Variants in TRPM3 observed in about 807,000 individuals in gnomAD.
TRPM3 encodes transient receptor potential cation channel subfamily M member 3.
Under a neutral mutation model 181.2 loss-of-function variants are expected in TRPM3, and 77 were observed. The observed-to-expected ratio is 0.42, with a 90% CI of 0.35 to 0.51. The LOEUF (loss-of-function observed/expected upper bound fraction) is 0.51. TRPM3 is among the 20% of genes least tolerant of loss of function. The probability of loss-of-function intolerance (pLI) is 0.01; values close to 1 mark genes in which losing one functional copy is unlikely to be tolerated. For missense variants in TRPM3, 1,759 were observed against 2,196.7 expected, an observed-to-expected ratio of 0.80 and a Z score of 3.98; for synonymous variants, 745 against 796.4, an observed-to-expected ratio of 0.94 and a Z score of 1.09.
At position 71,252,114 on chromosome 9, in the gene TRPM3, C is replaced by T. The variant is rs572858562; in HGVS notation, c.183+194539G>A. Among the ~76,000 whole-genome samples the T allele has an allele frequency of 2.0e-4, 31 of 152,248 alleles. No homozygotes were observed. In the South Asian group the frequency reaches 6.4e-3, roughly 32 times the overall value. The stretch of plus-strand genomic sequence containing the variant: ...ATGGAGACTTAGATTGCATCCAAAT[C>T]CTGGCTATTGTGAATAGTGCTGCAA... On this transcript the variant is annotated intron_variant, in intron 1 of 24. Coordinates refer to the TRPM3 transcript ENST00000357533.
chr9:70,978,784 C>T (rs2133996310), intron 1 of TRPM3, among the ~76,000 whole-genome samples: 1 of 152,316 alleles, frequency 6.6e-6, no homozygotes, highest in East Asian at 1.9e-4. Context: ...AAGTGGGTCT[C>T]ATGGCTACAC....
At chr9:70,900,769 T>C (rs1589646351) in intron 1 of TRPM3, among the ~76,000 whole-genome samples, 1 of 152,160 alleles carries the variant, frequency 6.6e-6, no homozygotes, top group African/African-American at 2.4e-5. Context: ...GCATAACCTT[T>C]GGTTTCAGGC....
intron 5 of TRPM3, among the ~76,000 whole-genome samples, chr9:70,835,870 T>G (rs1429559047): frequency 6.6e-6 from 1 of 152,134 alleles, no homozygotes; most frequent in Non-Finnish European, 1.5e-5. Flanking sequence ...TCTAGGGAGC[T>G]AGGTGGCCTA....
At chr9:70,795,191 T>C (rs1441806515) in intron 6 of TRPM3, among the ~76,000 whole-genome samples, 2 of 152,194 alleles carry the variant, frequency 1.3e-5, no homozygotes, top group Non-Finnish European at 2.9e-5. Flanking sequence ...CAATCCCCCA[T>C]GGACATTGAG....
intron 9 of TRPM3, among the ~76,000 whole-genome samples, chr9:70,678,477 T>C (rs2064607550): frequency 6.6e-6 from 1 of 152,148 alleles, no homozygotes; most frequent in Non-Finnish European, 1.5e-5. Context: ...CTGTATAATA[T>C]AAATAGTATC....
chr9:70,672,065 T>C (rs2063064348), intron 9 of TRPM3, among the ~76,000 whole-genome samples: 1 of 152,092 alleles, frequency 6.6e-6, no homozygotes, highest in South Asian at 2.1e-4. Context: ...TAGAGATGTG[T>C]ATTTCTTTTA....
chr9:71,060,140 C>T (rs2061145938), intron 1 of TRPM3, among the ~76,000 whole-genome samples: 1 of 152,086 alleles, frequency 6.6e-6, no homozygotes, highest in South Asian at 2.1e-4. Flanking sequence ...GGGATCAATG[C>T]AAGCAAGAGC....
chr9:70,803,581 T>C (rs1384864066), intron 6 of TRPM3, among the ~76,000 whole-genome samples: 3 of 150,848 alleles, frequency 2.0e-5, no homozygotes, highest in Non-Finnish European at 4.4e-5. Context: ...CCAGAGTAGC[T>C]GGGACCACAG....
intron 1 of TRPM3, among the ~76,000 whole-genome samples, chr9:70,898,232 C>T (rs1463923331): frequency 1.3e-5 from 2 of 150,842 alleles, no homozygotes; most frequent in African/African-American, 4.9e-5. Context: ...ACGCCATTCT[C>T]CTGCCTCAGC....
chr9:71,239,320 G>A (rs959418512), intron 1 of TRPM3, among the ~76,000 whole-genome samples: 2 of 151,446 alleles, frequency 1.3e-5, no homozygotes, highest in African/African-American at 2.4e-5. Flanking sequence ...GGGCACTTCC[G>A]AATTCTTAAA....
rs185213538 is a variant in TRPM3, at chr9:70,837,773, C to T, written c.801+5230G>A. Among the ~76,000 whole-genome samples, 19 of 152,280 alleles carry T rather than the reference C, an allele frequency of 1.2e-4. 1 individual carries two copies. The East Asian group carries it at 2.1e-3, about 17-fold the overall frequency. ...TCTCTAGGGACAAAGAAAGGGGCTC[C>T]GGTCATGCATCGAGTCTGTCTCTGA... On this transcript the variant is annotated intron_variant, in intron 5 of 25. Transcript: ENST00000677713.
chr9:70,913,553 G>A (rs1479931703), intron 1 of TRPM3, among the ~76,000 whole-genome samples: 1 of 152,156 alleles, frequency 6.6e-6, no homozygotes, highest in Non-Finnish European at 1.5e-5. Context: ...GCTAAAATAT[G>A]CAAGAGTTTC....
At chr9:70,855,237 A>C (rs912219196) in intron 3 of TRPM3, among the ~76,000 whole-genome samples, 2 of 152,206 alleles carry the variant, frequency 1.3e-5, no homozygotes, top group African/African-American at 2.4e-5. Context: ...TCAAACCCAC[A>C]GTAGGCAAAG....
intron 1 of TRPM3, among the ~76,000 whole-genome samples, chr9:71,340,937 A>C (rs2090920892): frequency 6.6e-6 from 1 of 152,102 alleles, no homozygotes; most frequent in Non-Finnish European, 1.5e-5. Flanking sequence ...ACGCAACAAC[A>C]ACCATCACCA....
intron 11 of TRPM3, among the ~76,000 whole-genome samples, chr9:70,635,630 A>AT (rs5898157): frequency 0.16 from 23,877 of 146,010 alleles, 2,363 homozygotes; most frequent in East Asian, 0.39. Flanking sequence ...TTTTGATAAA[A>AT]TTTTTTTTTT....
intron 1 of TRPM3, among the ~76,000 whole-genome samples, chr9:71,137,337 G>A (rs1322082661): frequency 6.6e-6 from 1 of 152,124 alleles, no homozygotes; most frequent in Non-Finnish European, 1.5e-5. Context: ...TTTGTAGAAA[G>A]AACTAACATC....
intron 1 of TRPM3, among the ~76,000 whole-genome samples, chr9:71,319,257 G>A (rs1229198874): frequency 6.6e-6 from 1 of 151,998 alleles, no homozygotes; most frequent in Admixed American, 6.6e-5. Flanking sequence ...TGACCGCTCG[G>A]CTGAGATGTA....
At chr9:71,158,945 C>T (rs1369544411) in intron 1 of TRPM3, among the ~76,000 whole-genome samples, 4 of 151,430 alleles carry the variant, frequency 2.6e-5, no homozygotes, top group Non-Finnish European at 5.9e-5. Context: ...TCTTGATTCT[C>T]AGGCTTTTAG....
rs552033042 is a variant in TRPM3 at position 71,199,594 on chromosome 9, A to C, written c.183+247059T>G. Among the ~76,000 whole-genome samples, 189 of 152,300 alleles carry C rather than the reference A, an allele frequency of 1.2e-3. 1 individual carries two copies. The highest frequency in any genetic ancestry group is 2.9e-3 in the Admixed American group (45 of 15,290). ...CAGAGATTCAACTTCTTCCTGGTTT[A>C]GTCTTGGGAGAGTGTATGTGTCAAG... On this transcript the variant is annotated intron_variant, in intron 1 of 24. Coordinates refer to the TRPM3 transcript ENST00000357533.
Sources: allele counts gnomAD v4.1 joint callset (sites outside exome capture counted in the v4.1 genomes callset), GRCh38; gene constraint gnomAD v4.1.1; transcripts MANE v1.5; gene names NCBI Gene and HGNC (gene_info 2026-07-23, HGNC 2026-07-21).